CCSER1: variants seen among roughly 807,000 people sequenced by gnomAD.
CCSER1 encodes coiled-coil serine rich protein 1.
Under a neutral mutation model 82.0 loss-of-function variants are expected in CCSER1, and 41 were observed. That is an observed-to-expected ratio of 0.50 (90% CI 0.39 to 0.65). CCSER1 has a LOEUF of 0.65. CCSER1 is among the 30% of genes least tolerant of loss of function. The pLI is 0.00. For synonymous variants in CCSER1, 414 were observed against 383.9 expected (o/e 1.08, Z -0.92); for missense variants, 1,119 against 1,064.2 (o/e 1.05, Z -0.72).
intron 10 of CCSER1, among the ~76,000 whole-genome samples, chr4:91,431,753 C>A (rs1010765348): frequency 2.0e-5 from 3 of 152,208 alleles, no homozygotes; most frequent in African/African-American, 7.2e-5. Flanking sequence ...AGGCATGAGT[C>A]ACCAAGCCCG....
chr4:91,433,869 C>T (rs139920031), intron 10 of CCSER1, among the ~76,000 whole-genome samples: 163 of 152,334 alleles, frequency 1.1e-3, no homozygotes, highest in Non-Finnish European at 1.4e-3. Context: ...ACTTAAGCAT[C>T]TACTTACTAA....
chr4:90,820,174 T>C (rs1396018762), intron 8 of CCSER1, among the ~76,000 whole-genome samples: 6 of 152,174 alleles, frequency 3.9e-5, no homozygotes, highest in Admixed American at 2.6e-4. Flanking sequence ...GGATATGAGT[T>C]TCTTGTCCTA....
chr4:91,474,174 T>G (rs1757433182), intron 10 of CCSER1, among the ~76,000 whole-genome samples: 1 of 151,902 alleles, frequency 6.6e-6, no homozygotes, highest in Admixed American at 6.6e-5. Context: ...AAACACTGGG[T>G]GGGATTAAGA....
In CCSER1 at chr4:90,289,603, A is replaced by G. The variant is rs145127632; in HGVS notation, c.-41-18641A>G. On this transcript the variant is annotated intron_variant, in intron 1 of 10. Coordinates refer to ENST00000509176, the MANE Select transcript of CCSER1 (RefSeq NM_001145065.2). The stretch of plus-strand genomic sequence containing the variant: ...GTATCTCTTTATTCAAATTTGTACA[A>G]TCTTAATTTGTAGCTCACATAGATG... Among the ~76,000 whole-genome samples, 59 of 151,998 alleles carry G rather than the reference A, an allele frequency of 3.9e-4. No homozygotes were observed. The East Asian group carries it at 8.2e-3, about 21-fold the overall frequency.
chr4:91,039,530 A>G (rs1324503641), intron 9 of CCSER1, among the ~76,000 whole-genome samples: 1 of 152,154 alleles, frequency 6.6e-6, no homozygotes, highest in African/African-American at 2.4e-5. Context: ...TGTAATAGAT[A>G]ATTGAATGGA....
At chr4:91,577,780 TA>T (rs1763519853) in intron 10 of CCSER1, among the ~76,000 whole-genome samples, 2 of 152,084 alleles carry the variant, frequency 1.3e-5, no homozygotes, top group African/African-American at 4.8e-5. Context: ...CGTTGTGTCA[TA>T]AAAATTAAAC....
At chr4:91,067,928 G>C (rs1286431574) in intron 9 of CCSER1, among the ~76,000 whole-genome samples, 1 of 152,286 alleles carries the variant, frequency 6.6e-6, no homozygotes, top group African/African-American at 2.4e-5. Context: ...TATCATTTAA[G>C]TTAATATACA....
chr4:91,524,242 G>A (rs1202413679), intron 10 of CCSER1, among the ~76,000 whole-genome samples: 1 of 152,138 alleles, frequency 6.6e-6, no homozygotes, highest in Admixed American at 6.5e-5. Flanking sequence ...TTCATTTTGT[G>A]ACATTGTTAA....
In CCSER1 at chr4:90,525,848, C is replaced by T. The variant is rs1054444247; in HGVS notation, c.1724+57494C>T. ...AGAGATGGGGTCTCACTATGTTGCC[C>T]TGGCTGGTCTCGAACTACAAGGCAC... On this transcript the variant is annotated intron_variant, in intron 5 of 10. Transcript: ENST00000509176. Among the ~76,000 whole-genome samples the T allele has an allele frequency of 4.6e-5, 7 of 152,182 alleles. No individual in the cohort carries two copies. In the East Asian group the frequency reaches 9.7e-4, roughly 21 times the overall value.
At chr4:90,935,157 T>C (rs1551773) in intron 9 of CCSER1, among the ~76,000 whole-genome samples, 63,742 of 151,812 alleles carry the variant, frequency 0.42, 13,849 homozygotes, top group African/African-American at 0.53. Flanking sequence ...CAATGTTCAT[T>C]GCCTCCAACT....
intron 5 of CCSER1, among the ~76,000 whole-genome samples, chr4:90,619,841 C>A (rs1055374268): frequency 3.9e-5 from 6 of 151,942 alleles, no homozygotes; most frequent in African/African-American, 1.2e-4. Flanking sequence ...TTCATTAATT[C>A]TGATTCTTTT....
At chr4:91,458,164 T>C (rs1250448085) in intron 10 of CCSER1, among the ~76,000 whole-genome samples, 1 of 152,118 alleles carries the variant, frequency 6.6e-6, no homozygotes, top group Non-Finnish European at 1.5e-5. Flanking sequence ...ATCTTGAGTT[T>C]GTTTTTGTAT....
At chr4:90,386,472 A>G (rs1750073794) in intron 3 of CCSER1, among the ~76,000 whole-genome samples, 1 of 152,154 alleles carries the variant, frequency 6.6e-6, no homozygotes, top group African/African-American at 2.4e-5. Flanking sequence ...CTGGATCCCT[A>G]TCACTCACTA....
At chr4:91,121,405 C>G (rs1727076871) in intron 10 of CCSER1, among the ~76,000 whole-genome samples, 1 of 151,670 alleles carries the variant, frequency 6.6e-6, no homozygotes, top group South Asian at 2.1e-4. Flanking sequence ...AATCTATCTA[C>G]TGTGTAAGGA....
intron 9 of CCSER1, among the ~76,000 whole-genome samples, chr4:91,083,061 G>A (rs927456629): frequency 2.6e-5 from 4 of 152,112 alleles, no homozygotes; most frequent in African/African-American, 4.8e-5. Context: ...CCATTACTGG[G>A]CATATACTCA....
At chr4:90,486,026 C>T (rs986036312) in intron 5 of CCSER1, among the ~76,000 whole-genome samples, 7 of 152,024 alleles carry the variant, frequency 4.6e-5, no homozygotes, top group African/African-American at 1.4e-4. Flanking sequence ...ACCTTATTTA[C>T]CACAGAAACA....
intron 5 of CCSER1, among the ~76,000 whole-genome samples, chr4:90,476,618 G>A (rs116532415): frequency 0.016 from 2,426 of 151,846 alleles, 40 homozygotes; most frequent in African/African-American, 0.047. Context: ...TATATATATT[G>A]AAAAAAACTA....
chr4:91,333,233 A>T (rs1398938694), intron 10 of CCSER1, among the ~76,000 whole-genome samples: 1 of 152,058 alleles, frequency 6.6e-6, no homozygotes, highest in East Asian at 1.9e-4. Context: ...ATAATGCACC[A>T]TCTTAATCAT....
chr4:90,278,687 T>G (rs1728348054), intron 1 of CCSER1, among the ~76,000 whole-genome samples: 1 of 151,438 alleles, frequency 6.6e-6, no homozygotes, highest in Non-Finnish European at 1.5e-5. Context: ...AAAGGGGGGA[T>G]GGAAGGGGGC....
Sources: allele counts gnomAD v4.1 joint callset (sites outside exome capture counted in the v4.1 genomes callset), GRCh38; gene constraint gnomAD v4.1.1; transcripts MANE v1.5; gene names NCBI Gene and HGNC (gene_info 2026-07-23, HGNC 2026-07-21).